Variants in HPS3 observed in about 807,000 individuals in gnomAD.
The protein encoded by HPS3 is HPS3 biogenesis of lysosomal organelles complex 2 subunit 1.
In HPS3, 79 loss-of-function variants were observed where a neutral mutation model predicts 110.9. The observed-to-expected ratio is 0.71, with a 90% CI of 0.59 to 0.86. HPS3 has a LOEUF of 0.86. Among genes scored for constraint, HPS3 ranks in the 40% least tolerant of loss-of-function variants. The pLI, the probability that HPS3 is intolerant of heterozygous loss-of-function variation, is 0.00. For synonymous variants in HPS3, 428 were observed against 451.0 expected (o/e 0.95, Z 0.65); for missense variants, 1,197 against 1,206.2 (o/e 0.99, Z 0.11).
rs528504188 is a variant in HPS3 at position 149,167,137 on chromosome 3, G to A, written c.2693G>A (p.Arg898His). The A allele has an allele frequency of 1.1e-5, 17 of 1,613,722 alleles. No homozygotes were observed. The East Asian group carries it at 1.6e-4, about 15-fold the overall frequency. Residue 898 changes from arginine to histidine, a missense_variant, in exon 15 of 17, where the codon CGT becomes CAT. Physicochemically the swap from Arg to His is conservative, Grantham distance 29. Coordinates refer to ENST00000296051, the MANE Select transcript of HPS3 (RefSeq NM_032383.5). ...IAGLSVHVLC[R>H]TRLKEYEQCI... ...GGCCTCAGTGTCCATGTTCTGTGTCGTACACGCTTGAAAGAGTATGAACAG... is the reference window on the plus strand; with the variant it reads ...GGCCTCAGTGTCCATGTTCTGTGTCATACACGCTTGAAAGAGTATGAACAG...
intron 14 of HPS3, among the ~76,000 whole-genome samples, chr3:149,164,322 G>A (rs184980971): frequency 4.6e-5 from 7 of 152,214 alleles, no homozygotes; most frequent in Admixed American, 2.0e-4. Context: ...CACATTTTAG[G>A]TCTCTAACCC....
At chr3:149,153,811 G>A (rs1723282539) in intron 7 of HPS3, 163 bp downstream of exon 7, 3 of 702,010 alleles carry the variant, frequency 4.3e-6, no homozygotes, top group South Asian at 3.4e-5. Flanking sequence ...AACAATCTCT[G>A]TAATACACTT....
chr3:149,148,000 C>T (rs4247201), intron 5 of HPS3, among the ~76,000 whole-genome samples: 41,338 of 151,574 alleles, frequency 0.27, 6,214 homozygotes, highest in African/African-American at 0.42. Context: ...CCTCCCAAGT[C>T]GCTGGGATTA....
intron 1 of HPS3, among the ~76,000 whole-genome samples, chr3:149,132,229 A>C (rs993151386): frequency 6.6e-6 from 1 of 152,242 alleles, no homozygotes. Flanking sequence ...AAACAGTCTT[A>C]AATTGGAAGA....
chr3:149,129,973 G>T (rs777626083), intron 1 of HPS3, 33 bp downstream of exon 1: 2 of 1,527,212 alleles, frequency 1.3e-6, no homozygotes, highest in South Asian at 1.2e-5. Context: ...GGCCGCCTGG[G>T]GTCCAGCTTG....
chr3:149,166,975 T>C (rs1230444404), intron 14 of HPS3, 59 bp from the exon 15 acceptor site: 1 of 1,269,020 alleles, frequency 7.9e-7, no homozygotes, highest in Non-Finnish European at 1.2e-6. Flanking sequence ...GAATTCTGCA[T>C]GTTGTGTTTT....
chr3:149,160,198 A>G lies in HPS3; in HGVS notation c.2025A>G (p.Leu675=), dbSNP rs768171326. ...ATACTTCTGGGTTTTCATCGATCTT[A>G]GTGACATTGACCAAGGCAGCAGTGG... ...KLDTSGFSSI[L]VTLTKAAVAL... is the part of the protein sequence containing the mutation. The change falls in exon 11 of 17, where the codon TTA becomes TTG. Residue 675 remains leucine, a synonymous_variant. Transcript: ENST00000296051. 1.2e-6 allele frequency: 2 copies of G among 1,613,914 alleles called. No homozygotes were observed. Among genetic ancestry groups the G allele is most frequent in the Admixed American group, 3.3e-5 (2 of 59,966 alleles).
Position 149,160,183 on chromosome 3 carries a change from G to A in HPS3, c.2010G>A (p.Gly670=), listed in dbSNP as rs1325886616. The A allele has an allele frequency of 1.2e-6, 2 of 1,613,770 alleles. No individual in the cohort carries two copies. Among genetic ancestry groups the A allele is most frequent in the South Asian group, 2.2e-5 (2 of 91,088 alleles). ...ATCTAAGGAAGCTGGATACTTCTGGGTTTTCATCGATCTTAGTGACATTGA... is the reference window on the plus strand; with the variant it reads ...ATCTAAGGAAGCTGGATACTTCTGGATTTTCATCGATCTTAGTGACATTGA... ...MSYLRKLDTS[G]FSSILVTLTK... is the part of the protein sequence containing the mutation. Residue 670 remains glycine, a synonymous_variant, in exon 11 of 17, where the codon GGG becomes GGA. Coordinates refer to ENST00000296051, the MANE Select transcript of HPS3 (RefSeq NM_032383.5).
At chr3:149,153,805 A>G (rs1393317185) in intron 7 of HPS3, 157 bp downstream of exon 7, 127 of 733,642 alleles carry the variant, frequency 1.7e-4, no homozygotes, top group East Asian at 2.6e-5. Flanking sequence ...GGTTCTAACA[A>G]TCTCTGTAAT....
chr3:149,151,591 A>T lies in HPS3; in HGVS notation c.1245+911A>T, dbSNP rs1001121425. Among the ~76,000 whole-genome samples the T allele has an allele frequency of 4.8e-3, 644 of 135,386 alleles. 14 individuals carry two copies. Among genetic ancestry groups the T allele is most frequent in the African/African-American group, 0.018 (603 of 34,198 alleles). The allele number at this position is 135,386 out of a possible 152,430, so 88.8% of individuals were successfully genotyped here. A position where few individuals can be genotyped will look rare whatever the true frequency, so the allele number is the denominator to read the frequency against. On this transcript the variant is annotated intron_variant, in intron 6 of 16. Transcript: ENST00000296051. ...AGAAGTAAAGTGCTTGGTTTCTAAA[A>T]AAAAAAAAAAAAAAAAAAAAAAAAA...
chr3:149,144,182 C>T (rs2689236), intron 4 of HPS3, among the ~76,000 whole-genome samples: 27,124 of 149,520 alleles, frequency 0.18, 3,030 homozygotes, highest in South Asian at 0.3. Context: ...CGAGACCAGC[C>T]TGGCCAATAT....
intron 11 of HPS3, among the ~76,000 whole-genome samples, chr3:149,161,508 C>G (rs1271865332): frequency 9.6e-6 from 1 of 104,306 alleles, no homozygotes. Context: ...CCCCCACACC[C>G]TTTTTTTTTT....
rs1576708907 is a variant in HPS3 at position 149,167,973 on chromosome 3, A to G, written c.2877A>G (p.Ser959=). ...GAGAGAAGTATCAACTCTACCTGTC[A>G]TCATTAAAAGGTAAAATGATTTTTT... The part of the protein sequence containing the change: ...CGGEKYQLYL[S]SLKETLSIVA... The change falls in exon 16 of 17, where the codon TCA becomes TCG. Residue 959 remains serine (S), a synonymous_variant. Transcript: ENST00000296051. The G allele has an allele frequency of 6.4e-7, 1 of 1,556,772 alleles. No homozygotes were observed. The highest frequency in any genetic ancestry group is 8.8e-7 in the Non-Finnish European group (1 of 1,131,184).
In HPS3 at chr3:149,150,606, C is replaced by T. The variant is rs1387592283; in HGVS notation, c.1171C>T (p.Leu391=). ...CTGTGTCTTCCTCCTCAGTAACAACCTGCAGTGTTTCACTGTGCGGTGCAG... is the reference window on the plus strand; with the variant it reads ...CTGTGTCTTCCTCCTCAGTAACAACTTGCAGTGTTTCACTGTGCGGTGCAG... ...QFLHVITSNN[L]QCFTVRCSAA... Residue 391 remains leucine, a synonymous_variant, in exon 6 of 17, where the codon CTG becomes TTG. Transcript: ENST00000296051. 4 of 1,613,844 alleles carry T rather than the reference C, an allele frequency of 2.5e-6. No individual in the cohort carries two copies. Among genetic ancestry groups the T allele is most frequent in the East Asian group, 4.5e-5 (2 of 44,902 alleles).
At chr3:149,137,408 A>G (rs547425792) in intron 1 of HPS3, among the ~76,000 whole-genome samples, 5 of 152,098 alleles carry the variant, frequency 3.3e-5, no homozygotes, top group Non-Finnish European at 7.4e-5. Flanking sequence ...GTGGAAAACA[A>G]TATGGCAGTT....
chr3:149,151,232 C>T (rs898536190), intron 6 of HPS3, among the ~76,000 whole-genome samples: 30 of 150,474 alleles, frequency 2.0e-4, no homozygotes, highest in Admixed American at 1.6e-3. Context: ...CAGGTTTTGC[C>T]GTGTCGCCCA....
rs1030212366 is a variant in HPS3, at chr3:149,153,394, G to A, written c.1246-100G>A. The A allele has an allele frequency of 7.8e-6, 8 of 1,024,240 alleles. No homozygotes were observed. In the African/African-American group the frequency reaches 9.5e-5, roughly 12 times the overall value. The allele number at this position is 1,024,240 out of a possible 1,614,324, so 63.4% of individuals were successfully genotyped here. A position where few individuals can be genotyped will look rare whatever the true frequency, so the allele number is the denominator to read the frequency against. On this transcript the variant is annotated intron_variant, in intron 6 of 16. Coordinates refer to ENST00000296051, the MANE Select transcript of HPS3 (RefSeq NM_032383.5). Reference sequence around the variant, plus strand: ...TTGGTGGTGGTGGGTATGGGATGGTGGCAGCAGAAGAGATTTGATCAAATA... The same window carrying A: ...TTGGTGGTGGTGGGTATGGGATGGTAGCAGCAGAAGAGATTTGATCAAATA...
chr3:149,163,970 T>G, intron 14 of HPS3, 21 bp downstream of exon 14: 1 of 1,177,340 alleles, frequency 8.5e-7, no homozygotes, highest in Non-Finnish European at 1.3e-6. Flanking sequence ...ATACCTCCTT[T>G]TCTTATGAAA....
At chr3:149,137,949 T>C (rs895221537) in intron 1 of HPS3, among the ~76,000 whole-genome samples, 3 of 152,134 alleles carry the variant, frequency 2.0e-5, no homozygotes, top group Admixed American at 1.3e-4. Flanking sequence ...GACTTAAAAA[T>C]GGTGAAAATG....
Sources: gnomAD v4.1 joint callset for allele counts (sites outside exome capture counted in the v4.1 genomes callset) on GRCh38, gnomAD v4.1.1 for gene constraint, MANE v1.5 for transcripts, NCBI Gene and HGNC (gene_info 2026-07-23, HGNC 2026-07-21) for gene names.